Variants in RAPGEF1 observed in about 807,000 individuals in gnomAD.
RAPGEF1 encodes CRK SH3-binding GNRP.
RAPGEF1 carries 33 observed loss-of-function variants against 143.3 expected under a neutral mutation model. That is an observed-to-expected ratio of 0.23 (90% confidence interval 0.17 to 0.31). The LOEUF is 0.31. Ranked by LOEUF, RAPGEF1 falls within the 10% of genes least tolerant of loss-of-function variation. RAPGEF1 has a pLI of 1.00. For missense variants in RAPGEF1, 1,199 were observed against 1,645.4 expected (o/e 0.73, Z 4.69); for synonymous variants, 629 against 676.5 (o/e 0.93, Z 1.09).
intron 17 of RAPGEF1, among the ~76,000 whole-genome samples, chr9:131,592,446 C>T (rs542491270): frequency 5.3e-5 from 8 of 152,308 alleles, no homozygotes; most frequent in East Asian, 1.9e-4. Flanking sequence ...ATCTCATGGG[C>T]ACTTTCTACC....
At chr9:131,634,605 T>G (rs1428472186) in intron 5 of RAPGEF1, among the ~76,000 whole-genome samples, 1 of 140,156 alleles carries the variant, frequency 7.1e-6, no homozygotes, top group Non-Finnish European at 1.5e-5. Context: ...CCCAGCTACT[T>G]GGGAGGCTGA....
rs1961031404 is a variant in RAPGEF1, at chr9:131,621,557, G to A, written c.1905+239C>T. On this transcript the variant is annotated intron_variant, in intron 11 of 26. Transcript: ENST00000683357. The surrounding 1 kb of genome is among the most constrained non-coding windows in gnomAD (Gnocchi z 4.5). ...TGTCCCTGCTGCGCGGGGCTGCTGT[G>A]GAAAAGAAAGGTCCCTGCACCCCAG... Among the ~76,000 whole-genome samples, 1 of 152,180 alleles carries A rather than the reference G, an allele frequency of 6.6e-6. No homozygotes were observed. Among genetic ancestry groups the A allele is most frequent in the East Asian group, 1.9e-4 (1 of 5,190 alleles).
intron 17 of RAPGEF1, among the ~76,000 whole-genome samples, chr9:131,592,620 C>T (rs933594857): frequency 2.0e-5 from 3 of 152,152 alleles, no homozygotes; most frequent in African/African-American, 7.2e-5. Flanking sequence ...CTCTGAGAGG[C>T]TCTGCCTGTC....
In RAPGEF1 at chr9:131,706,268, C is replaced by CT. The variant is rs200990981; in HGVS notation, c.61+33501dup. Among the ~76,000 whole-genome samples, 296 of 146,494 alleles carry CT rather than the reference C, an allele frequency of 2.0e-3. 1 individual carries two copies. Among genetic ancestry groups the CT allele is most frequent in the East Asian group, 0.016 (83 of 5,072 alleles). On this transcript the variant is annotated intron_variant, in intron 1 of 26. Coordinates refer to ENST00000683357, the MANE Select transcript of RAPGEF1 (RefSeq NM_001377935.1). ...ATGGTGGTGCCCTGACATTCTTCTT[C>CT]TTTTTTTTTTTGAAACAGGGGTTTT...
intron 10 of RAPGEF1, among the ~76,000 whole-genome samples, chr9:131,624,355 G>C (rs572302553): frequency 6.6e-6 from 1 of 152,206 alleles, no homozygotes; most frequent in African/African-American, 2.4e-5. Context: ...AGGTTTGCAG[G>C]CTCCAGTGCT....
At chr9:131,594,743 G>A (rs1419018238) in intron 17 of RAPGEF1, among the ~76,000 whole-genome samples, 2 of 152,198 alleles carry the variant, frequency 1.3e-5, no homozygotes, top group Non-Finnish European at 2.9e-5. Context: ...CCACCGGCAC[G>A]GAGCGTCCTC....
At chr9:131,635,288 T>A (rs1966072179) in intron 5 of RAPGEF1, among the ~76,000 whole-genome samples, 1 of 152,134 alleles carries the variant, frequency 6.6e-6, no homozygotes, top group Non-Finnish European at 1.5e-5. Context: ...CTCAGGGAAG[T>A]AACTTGCCCA....
chr9:131,739,736 G>A (rs1837634013), intron 1 of RAPGEF1, 34 bp downstream of exon 1: 1 of 1,107,786 alleles, frequency 9.0e-7, no homozygotes, highest in Non-Finnish European at 1.1e-6. Context: ...GGCCGGGCCC[G>A]GCCGGAGGGA....
chr9:131,711,896 T>G (rs1835534118), intron 1 of RAPGEF1, among the ~76,000 whole-genome samples: 2 of 152,178 alleles, frequency 1.3e-5, no homozygotes, highest in Admixed American at 1.3e-4. Flanking sequence ...CTGGGCGCAG[T>G]GGGCCACTGT....
chr9:131,632,707 C>T (rs943079003), intron 5 of RAPGEF1, among the ~76,000 whole-genome samples: 1 of 152,188 alleles, frequency 6.6e-6, no homozygotes, highest in African/African-American at 2.4e-5. Flanking sequence ...TGCTGTAATA[C>T]ACTGAGTGGA....
chr9:131,691,740 G>A lies in RAPGEF1; in HGVS notation c.62-40791C>T, dbSNP rs576793413. 8.5e-5 allele frequency among the ~76,000 whole-genome samples: 13 copies of A among 152,144 alleles called. 1 individual carries two copies. Among genetic ancestry groups the A allele is most frequent in the African/African-American group, 2.4e-5 (1 of 41,430 alleles). The stretch of plus-strand genomic sequence containing the variant: ...CTCTAATAAAGAAACTGATGGGCTT[G>A]TGAAACTACTGACCAAGATCAAGCA... On this transcript the variant is annotated intron_variant, in intron 1 of 26. Coordinates refer to ENST00000683357, the MANE Select transcript of RAPGEF1 (RefSeq NM_001377935.1).
chr9:131,672,707 G>A (rs534379798), intron 1 of RAPGEF1, among the ~76,000 whole-genome samples: 43 of 152,342 alleles, frequency 2.8e-4, no homozygotes, highest in African/African-American at 1.0e-3. Flanking sequence ...CGACAGCAGG[G>A]GAAGTTCTAA....
At chr9:131,712,018 G>C (rs1472822815) in intron 1 of RAPGEF1, among the ~76,000 whole-genome samples, 2 of 152,152 alleles carry the variant, frequency 1.3e-5, no homozygotes, top group Non-Finnish European at 2.9e-5. Context: ...CCTCATAATT[G>C]ATCTACCAAT....
intron 1 of RAPGEF1, among the ~76,000 whole-genome samples, chr9:131,653,665 C>A (rs1271545175): frequency 6.6e-6 from 1 of 152,232 alleles, no homozygotes; most frequent in African/African-American, 2.4e-5. Flanking sequence ...GAACGCCCTA[C>A]ACATTGCTGG....
intron 16 of RAPGEF1, 145 bp from the exon 17 acceptor site, chr9:131,596,518 G>C: frequency 1.2e-6 from 1 of 821,620 alleles, no homozygotes; most frequent in Non-Finnish European, 2.0e-6. Flanking sequence ...CCCAGGAGCA[G>C]TGTGGCTGCG....
intron 12 of RAPGEF1, among the ~76,000 whole-genome samples, chr9:131,608,193 G>A (rs1314188841): frequency 6.6e-6 from 1 of 152,208 alleles, no homozygotes; most frequent in Non-Finnish European, 1.5e-5. Flanking sequence ...GACGCAGAGC[G>A]CTGCGTGCAA....
intron 1 of RAPGEF1, among the ~76,000 whole-genome samples, chr9:131,704,186 G>C (rs1187191918): frequency 1.3e-5 from 2 of 151,396 alleles, no homozygotes; most frequent in African/African-American, 4.9e-5. Context: ...TGAGCCGGTG[G>C]TTATTGCAGC....
chr9:131,663,282 T>G (rs2133694136), intron 1 of RAPGEF1, among the ~76,000 whole-genome samples: 1 of 152,292 alleles, frequency 6.6e-6, no homozygotes. Context: ...TCAAAGCAAC[T>G]GAAAGTTGCA....
At chr9:131,639,933 A>G (rs960811937) in intron 4 of RAPGEF1, among the ~76,000 whole-genome samples, 1 of 152,238 alleles carries the variant, frequency 6.6e-6, no homozygotes, top group African/African-American at 2.4e-5. Flanking sequence ...TAAAGTTTCC[A>G]TTTAGCCAGG....
Sources: gnomAD v4.1 joint callset for allele counts (sites outside exome capture counted in the v4.1 genomes callset) on GRCh38, gnomAD v4.1.1 for gene constraint, Gnocchi (gnomAD v3.1) non-coding constraint, MANE v1.5 for transcripts, NCBI Gene and HGNC (gene_info 2026-07-23, HGNC 2026-07-21) for gene names.